Variants in AP1AR observed in about 807,000 individuals in gnomAD.
AP1AR encodes the protein AP-1 complex-associated regulatory protein.
Under a neutral mutation model 46.3 loss-of-function variants are expected in AP1AR, and 29 were observed. That is an observed-to-expected ratio of 0.63 (90% CI 0.47 to 0.85). AP1AR has a LOEUF of 0.85. Among genes scored for constraint, AP1AR ranks in the 40% least tolerant of loss-of-function variants. The pLI is 0.00. For missense variants in AP1AR, 357 were observed against 356.3 expected (o/e 1.00, Z -0.02); for synonymous variants, 122 against 122.9 (o/e 0.99, Z 0.05).
intron 1 of AP1AR, among the ~76,000 whole-genome samples, chr4:112,252,920 A>G (rs1726021750): frequency 6.6e-6 from 1 of 152,204 alleles, no homozygotes; most frequent in African/African-American, 2.4e-5. Flanking sequence ...TACATTTTAA[A>G]ATGTATTCTA....
At chr4:112,258,460 A>T (rs1726300579) in intron 4 of AP1AR, among the ~76,000 whole-genome samples, 2 of 152,208 alleles carry the variant, frequency 1.3e-5, no homozygotes, top group African/African-American at 4.8e-5. Context: ...GATTCTCGAG[A>T]TGACTAATTT....
chr4:112,248,218 A>G (rs1322942988), intron 1 of AP1AR, among the ~76,000 whole-genome samples: 1 of 152,206 alleles, frequency 6.6e-6, no homozygotes, highest in Non-Finnish European at 1.5e-5. Context: ...GCATGAAAAC[A>G]GACACTGGTG....
intron 7 of AP1AR, chr4:112,265,296 C>T: frequency 2.4e-6 from 1 of 417,326 alleles, no homozygotes; most frequent in Non-Finnish European, 4.3e-6. Context: ...TCTCATTTCC[C>T]ATATAGATGT....
chr4:112,252,766 T>A (rs1726014025), intron 1 of AP1AR, among the ~76,000 whole-genome samples: 1 of 152,230 alleles, frequency 6.6e-6, no homozygotes, highest in Non-Finnish European at 1.5e-5. Flanking sequence ...ATAACTACTC[T>A]TAGCATATTG....
Position 112,266,691 on chromosome 4 carries a change from A to G in AP1AR, c.618A>G (p.Leu206=). The change falls in exon 9 of 10, where the codon TTA becomes TTG. Residue 206 remains leucine, a synonymous_variant. Transcript: ENST00000274000. ...STSGNDDSTS[L]DLEWEDEEGM... Reference sequence around the variant, plus strand: ...GTGGAAATGACGACAGCACATCCTTAGATCTAGAGTGGGAAGATGAAGAAG... The same window carrying G: ...GTGGAAATGACGACAGCACATCCTTGGATCTAGAGTGGGAAGATGAAGAAG... 6.2e-7 allele frequency: 1 copy of G among 1,607,882 alleles called. No individual in the cohort carries two copies. Among genetic ancestry groups the G allele is most frequent in the Non-Finnish European group, 8.5e-7 (1 of 1,176,792 alleles).
chr4:112,254,535 G>A (rs1468190325), intron 2 of AP1AR, among the ~76,000 whole-genome samples: 1 of 152,118 alleles, frequency 6.6e-6, no homozygotes, highest in Non-Finnish European at 1.5e-5. Context: ...TTCATAGAAA[G>A]TCATAAATTA....
chr4:112,253,219 T>C lies in AP1AR; in HGVS notation c.95T>C (p.Phe32Ser), dbSNP rs200345941. ...RVGGGGGSKY[F>S]RTCSRGEHLT... The stretch of plus-strand genomic sequence containing the variant: ...GTTTTCCTTCCCAGATCCAAGTATT[T>C]TAGAACATGCTCAAGAGGTGAGCAC... Residue 32 changes from phenylalanine (F) to serine (S), a missense_variant, in exon 2 of 10, where the codon TTT becomes TCT. By Grantham distance (155) the Phe-to-Ser change is radical. Transcript: ENST00000274000. 3.1e-6 allele frequency: 5 copies of C among 1,610,718 alleles called. No homozygotes were observed. The highest frequency in any genetic ancestry group is 8.5e-7 in the Non-Finnish European group (1 of 1,178,714).
At chr4:112,238,417 A>G (rs939758727) in intron 1 of AP1AR, among the ~76,000 whole-genome samples, 1 of 152,184 alleles carries the variant, frequency 6.6e-6, no homozygotes, top group Non-Finnish European at 1.5e-5. Flanking sequence ...AAGAGATCAT[A>G]TTGAGTACCT....
In AP1AR at chr4:112,236,813, G is replaced by A. The variant is rs116949385; in HGVS notation, c.83+4639G>A. 1.1e-4 allele frequency among the ~76,000 whole-genome samples: 16 copies of A among 152,162 alleles called. No homozygotes were observed. In the East Asian group the frequency reaches 3.1e-3, roughly 29 times the overall value. ...CAGGATGATATTTAGTTCTATATTTGGGTTTCTATAATCTCTTTGTCAAAA... is the reference window on the plus strand; with the variant it reads ...CAGGATGATATTTAGTTCTATATTTAGGTTTCTATAATCTCTTTGTCAAAA... On this transcript the variant is annotated intron_variant, in intron 1 of 9. Transcript: ENST00000274000.
At position 112,268,688 on chromosome 4, in the gene AP1AR, T is replaced by C; in HGVS notation, c.*279T>C. 3.8e-6 allele frequency: 1 copy of C among 264,466 alleles called. No individual in the cohort carries two copies. Among genetic ancestry groups the C allele is most frequent in the Non-Finnish European group, 7.0e-6 (1 of 141,912 alleles). The allele number at this position is 264,466 out of a possible 1,614,324, so 16.4% of individuals were successfully genotyped here. ...GTCTTGTCTTTATAGCATTTCTGTT[T>C]ACTATGGTAGATTTCCACTTTCAAT... On this transcript the variant is annotated 3_prime_UTR_variant, in exon 10 of 10. Transcript: ENST00000274000.
intron 5 of AP1AR, among the ~76,000 whole-genome samples, chr4:112,262,171 C>T (rs541575433): frequency 2.0e-5 from 3 of 151,240 alleles, no homozygotes; most frequent in South Asian, 2.1e-4. Flanking sequence ...AAAATTCACC[C>T]GGGGTGGTGG....
chr4:112,265,640 A>T (rs1056908762), intron 7 of AP1AR, 94 bp from the exon 8 acceptor site: 2 of 818,578 alleles, frequency 2.4e-6, no homozygotes, highest in African/African-American at 3.6e-5. Context: ...TGTATGACAT[A>T]GGTCTTCAAG....
At chr4:112,266,069 C>T (rs1052400139) in intron 8 of AP1AR, among the ~76,000 whole-genome samples, 7 of 151,648 alleles carry the variant, frequency 4.6e-5, no homozygotes, top group African/African-American at 1.7e-4. Flanking sequence ...CTGATCCTAA[C>T]CCTTCCCTTT....
At chr4:112,247,200 T>C (rs892340542) in intron 1 of AP1AR, among the ~76,000 whole-genome samples, 1 of 152,148 alleles carries the variant, frequency 6.6e-6, no homozygotes, top group Admixed American at 6.5e-5. Flanking sequence ...AGTGTATGTA[T>C]GGGAGGGGAA....
In AP1AR at chr4:112,232,159, T is replaced by G; in HGVS notation, c.68T>G (p.Val23Gly). 1.6e-6 allele frequency: 2 copies of G among 1,281,924 alleles called. No homozygotes were observed. The highest frequency in any genetic ancestry group is 2.0e-6 in the Non-Finnish European group (2 of 1,005,628). The allele number at this position is 1,281,924 out of a possible 1,614,324, so 79.4% of individuals were successfully genotyped here. ...AAGGAAGCGGGGCGGCTGCAGCGAGTAGGCGGCGGCGGAGGGTAAGCCCGC... is the reference window on the plus strand; with the variant it reads ...AAGGAAGCGGGGCGGCTGCAGCGAGGAGGCGGCGGCGGAGGGTAAGCCCGC... ...LRKEAGRLQR[V>G]GGGGGSKYFR... The change falls in exon 1 of 10, where the codon GTA becomes GGA. Residue 23 changes from valine to glycine, a missense_variant. Coordinates refer to ENST00000274000, the MANE Select transcript of AP1AR (RefSeq NM_018569.6).
chr4:112,265,177 C>T, intron 7 of AP1AR, 110 bp downstream of exon 7: 1 of 751,362 alleles, frequency 1.3e-6, no homozygotes, highest in Non-Finnish European at 2.0e-6. Flanking sequence ...TTATGTGTTC[C>T]CTAAAAATTA....
chr4:112,247,872 G>A (rs901526747), intron 1 of AP1AR, among the ~76,000 whole-genome samples: 2 of 152,182 alleles, frequency 1.3e-5, no homozygotes, highest in Non-Finnish European at 2.9e-5. Context: ...ATCAATGGAT[G>A]TTAAAAACCA....
chr4:112,234,311 A>C (rs575920546), intron 1 of AP1AR, among the ~76,000 whole-genome samples: 2 of 152,318 alleles, frequency 1.3e-5, no homozygotes, highest in Non-Finnish European at 2.9e-5. Context: ...ACATGTTGGC[A>C]CTCAAAAAGT....
chr4:112,247,442 CTT>C (rs567930497), intron 1 of AP1AR, among the ~76,000 whole-genome samples: 44 of 152,328 alleles, frequency 2.9e-4, no homozygotes, highest in East Asian at 1.3e-3. Flanking sequence ...CACCCAGACT[CTT>C]TGTATGAATG....
Sources: gnomAD v4.1 joint callset for allele counts (sites outside exome capture counted in the v4.1 genomes callset) on GRCh38, gnomAD v4.1.1 for gene constraint, MANE v1.5 for transcripts, NCBI Gene and HGNC (gene_info 2026-07-23, HGNC 2026-07-21) for gene names.